The following SANBR variants were observed in gnomAD, a reference collection of about 807,000 sequenced individuals.
SANBR encodes the protein SANT and BTB domain regulator of class switch recombination.
A neutral mutation model predicts 101.8 loss-of-function variants in SANBR; 77 were observed. The ratio of observed to expected loss-of-function variants is 0.76; its 90% CI spans 0.63 to 0.91. The LOEUF (loss-of-function observed/expected upper bound fraction) is 0.91, where lower values mean the gene tolerates loss of function less well. Ranked by LOEUF, SANBR falls within the 40% of genes least tolerant of loss-of-function variation. The probability of loss-of-function intolerance (pLI) is 0.00; values close to 1 mark genes in which losing one functional copy is unlikely to be tolerated. For missense variants in SANBR, 875 were observed against 853.0 expected, an observed-to-expected ratio of 1.03 and a Z score of -0.32; for synonymous variants, 279 against 274.7, an observed-to-expected ratio of 1.02 and a Z score of -0.15.
At chr2:61,086,449 G>A (rs1009060327) in intron 8 of SANBR, among the ~76,000 whole-genome samples, 2 of 152,072 alleles carry the variant, frequency 1.3e-5, no homozygotes, top group African/African-American at 4.8e-5. Flanking sequence ...TAGCAAAATA[G>A]TATTGATAAA....
chr2:61,104,019 A>G lies in SANBR; in HGVS notation c.1511+21A>G, dbSNP rs748093862. On this transcript the variant is annotated intron_variant, in intron 13 of 21. Coordinates refer to ENST00000402291, the MANE Select transcript of SANBR (RefSeq NM_001129993.3). ...GTTAGGTGAGGGGTGGAAAAACCCA[A>G]CACTGTATTATAGCTTTATTCAGCA... 7.1e-5 allele frequency: 114 copies of G among 1,610,624 alleles called. 1 individual carries two copies. In the Middle Eastern group the frequency reaches 1.8e-3, roughly 26 times the overall value.
At chr2:61,075,411 C>G (rs1681714353) in intron 5 of SANBR, among the ~76,000 whole-genome samples, 1 of 152,036 alleles carries the variant, frequency 6.6e-6, no homozygotes, top group Admixed American at 6.6e-5. Flanking sequence ...GCATGCACCA[C>G]CATGCCGGCT....
intron 20 of SANBR, among the ~76,000 whole-genome samples, chr2:61,131,767 T>C (rs989960032): frequency 1.3e-5 from 2 of 152,326 alleles, no homozygotes; most frequent in East Asian, 3.9e-4. Context: ...TTAGAAGATT[T>C]ACACTTTCCC....
intron 5 of SANBR, among the ~76,000 whole-genome samples, chr2:61,076,343 C>A (rs1468683250): frequency 2.0e-5 from 3 of 148,334 alleles, no homozygotes; most frequent in Non-Finnish European, 3.0e-5. Context: ...CAAGGCTGGG[C>A]GCGGTGGCTC....
At chr2:61,110,910 C>G (rs150248685) in intron 16 of SANBR, among the ~76,000 whole-genome samples, 30 of 151,904 alleles carry the variant, frequency 2.0e-4, no homozygotes, top group Non-Finnish European at 4.1e-4. Context: ...TGTCATACAA[C>G]TTAGTGAACC....
intron 20 of SANBR, among the ~76,000 whole-genome samples, chr2:61,120,782 T>G (rs1684297355): frequency 6.6e-6 from 1 of 152,172 alleles, no homozygotes; most frequent in South Asian, 2.1e-4. Flanking sequence ...CTCCTATATG[T>G]GAAAGAAGCT....
At chr2:61,104,607 T>G (rs947232286) in intron 13 of SANBR, among the ~76,000 whole-genome samples, 9 of 152,212 alleles carry the variant, frequency 5.9e-5, no homozygotes, top group Non-Finnish European at 1.2e-4. Flanking sequence ...ATCAACCAGT[T>G]GATTGTATCA....
At chr2:61,134,012 A>G in intron 20 of SANBR, 1 of 1,418,350 alleles carries the variant, frequency 7.1e-7, no homozygotes, top group South Asian at 1.3e-5. Context: ...GGTAATAGAA[A>G]TATAACCCAC....
chr2:61,091,807 A>T (rs1682777004), intron 10 of SANBR, among the ~76,000 whole-genome samples: 2 of 152,148 alleles, frequency 1.3e-5, no homozygotes, highest in Non-Finnish European at 2.9e-5. Context: ...CTTGAGTTGC[A>T]TATGACCATA....
Position 61,123,575 on chromosome 2 carries a change from T to G in SANBR, c.*1413T>G. ...TACATATTATATGTAAGTACTCTGT[T>G]AAATACCAGAGTTTTTTTTGTAGTT... On this transcript the variant is annotated 3_prime_UTR_variant, in exon 22 of 22. Coordinates refer to ENST00000402291, the MANE Select transcript of SANBR (RefSeq NM_001129993.3). 1 of 975,446 alleles carries G rather than the reference T, an allele frequency of 1.0e-6. No homozygotes were observed. Among genetic ancestry groups the G allele is most frequent in the Non-Finnish European group, 1.2e-6 (1 of 820,714 alleles). 60.4% of individuals were successfully genotyped at this position (975,446 alleles called of 1,614,324 possible). A position where few individuals can be genotyped will look rare whatever the true frequency, so the allele number is the denominator to read the frequency against.
intron 6 of SANBR, among the ~76,000 whole-genome samples, 174 bp from the exon 7 acceptor site, chr2:61,081,278 C>T (rs1328643548): frequency 6.6e-6 from 1 of 151,982 alleles, no homozygotes; most frequent in African/African-American, 2.4e-5. Context: ...TCTCCATACC[C>T]TAAGTTTTAA....
chr2:61,095,419 C>G (rs771456349), intron 11 of SANBR, among the ~76,000 whole-genome samples: 4 of 152,064 alleles, frequency 2.6e-5, no homozygotes, highest in Non-Finnish European at 5.9e-5. Flanking sequence ...GTGAACATCA[C>G]AATTGAAACT....
intron 7 of SANBR, 109 bp downstream of exon 7, chr2:61,081,619 A>G: frequency 8.6e-7 from 1 of 1,159,102 alleles, no homozygotes. Context: ...GTTAATTGAA[A>G]AAACAATTTA....
intron 10 of SANBR, among the ~76,000 whole-genome samples, chr2:61,091,720 C>T (rs1209075261): frequency 2.0e-5 from 3 of 152,060 alleles, no homozygotes; most frequent in Non-Finnish European, 2.9e-5. Flanking sequence ...ATGATGATTG[C>T]ACCACTGCAC....
intron 3 of SANBR, among the ~76,000 whole-genome samples, chr2:61,071,345 T>G (rs1681455449): frequency 6.6e-6 from 1 of 151,942 alleles, no homozygotes; most frequent in African/African-American, 2.4e-5. Flanking sequence ...GGTCAGGAGT[T>G]CAAGACCAGC....
intron 8 of SANBR, among the ~76,000 whole-genome samples, chr2:61,083,900 G>C (rs1274169946): frequency 6.6e-6 from 1 of 151,978 alleles, no homozygotes; most frequent in African/African-American, 2.4e-5. Flanking sequence ...TAGAGACAGG[G>C]TCTCACTTTG....
At chr2:61,105,878 G>C (rs1683537142) in intron 13 of SANBR, among the ~76,000 whole-genome samples, 1 of 151,022 alleles carries the variant, frequency 6.6e-6, no homozygotes. Context: ...CGCCATGTTG[G>C]CCAATATGGT....
At chr2:61,113,684 A>G (rs1032054181) in intron 16 of SANBR, among the ~76,000 whole-genome samples, 4 of 152,178 alleles carry the variant, frequency 2.6e-5, no homozygotes, top group African/African-American at 9.6e-5. Flanking sequence ...GACCTTGCTA[A>G]ATTCAGTTAT....
chr2:61,127,035 C>G (rs568165646), downstream of SANBR, among the ~76,000 whole-genome samples: 6 of 152,268 alleles, frequency 3.9e-5, no homozygotes, highest in South Asian at 1.2e-3. Context: ...CTCATCACAT[C>G]CTCATAGTTT....
Sources: gnomAD v4.1 joint callset for allele counts (sites outside exome capture counted in the v4.1 genomes callset) on GRCh38, gnomAD v4.1.1 for gene constraint, MANE v1.5 for transcripts, NCBI Gene and HGNC (gene_info 2026-07-23, HGNC 2026-07-21) for gene names.